Variants in NDST4 observed in about 807,000 individuals in gnomAD.
NDST4 encodes the protein N-deacetylase and N-sulfotransferase 4.
In NDST4, 63 loss-of-function variants were observed where a neutral mutation model predicts 100.8. That is an observed-to-expected ratio of 0.62 (90% CI 0.51 to 0.77). The LOEUF is 0.77. Ranked by LOEUF, NDST4 falls within the 30% of genes least tolerant of loss-of-function variation. The pLI is 0.00. For synonymous variants in NDST4, 377 were observed against 361.8 expected (o/e 1.04, Z -0.48); for missense variants, 943 against 1,018.4 (o/e 0.93, Z 1.01).
intron 2 of NDST4, among the ~76,000 whole-genome samples, chr4:115,036,258 ATCAGT>A (rs1297319048): frequency 1.3e-5 from 2 of 151,560 alleles, no homozygotes; most frequent in Non-Finnish European, 3.0e-5. Context: ...AGGTATTTAC[ATCAGT>A]TTAAAAGAGA....
chr4:115,006,104 A>C (rs1727411236), intron 2 of NDST4, among the ~76,000 whole-genome samples: 1 of 151,442 alleles, frequency 6.6e-6, no homozygotes. Flanking sequence ...AAAGAAAGAA[A>C]GAGAAAGAAA....
In NDST4 at chr4:115,009,558, G is replaced by A. The variant is rs1310074595; in HGVS notation, c.979-32284C>T. Reference sequence around the variant, plus strand: ...TTCAAGATGGATTAAAGACTTAAACGTTAGACCTAAAACCATAAAAACCCT... The same window carrying A: ...TTCAAGATGGATTAAAGACTTAAACATTAGACCTAAAACCATAAAAACCCT... On this transcript the variant is annotated intron_variant, in intron 2 of 13. Coordinates refer to ENST00000264363, the MANE Select transcript of NDST4 (RefSeq NM_022569.3). Among the ~76,000 whole-genome samples, 2 of 122,192 alleles carry A rather than the reference G, an allele frequency of 1.6e-5. 1 individual carries two copies. The highest frequency in any genetic ancestry group is 3.4e-5 in the Non-Finnish European group (2 of 58,282). 80.2% of individuals were successfully genotyped at this position (122,192 alleles called of 152,430 possible).
intron 4 of NDST4, among the ~76,000 whole-genome samples, chr4:114,958,518 C>T (rs566276976): frequency 1.5e-3 from 230 of 152,286 alleles, no homozygotes; most frequent in African/African-American, 4.9e-3. Flanking sequence ...GCAAAGGCTT[C>T]GGGCTTTCGT....
At chr4:115,062,159 A>G (rs1728838496) in intron 2 of NDST4, among the ~76,000 whole-genome samples, 1 of 152,042 alleles carries the variant, frequency 6.6e-6, no homozygotes, top group South Asian at 2.1e-4. Flanking sequence ...GACATAGTCA[A>G]TGGGTAGAGA....
At chr4:114,853,439 C>G (rs1178488868) in intron 7 of NDST4, among the ~76,000 whole-genome samples, 4 of 152,124 alleles carry the variant, frequency 2.6e-5, no homozygotes, top group Admixed American at 2.6e-4. Context: ...CCCAATGTAT[C>G]CATTGGTCCA....
At position 115,035,412 on chromosome 4, in the gene NDST4, T is replaced by C. The variant is rs150021987; in HGVS notation, c.978+40647A>G. On this transcript the variant is annotated intron_variant, in intron 2 of 13. Transcript: ENST00000264363. Reference sequence around the variant, plus strand: ...GTTGAAGTAGTGGGTAAAGTCTATGTGATCATAGGATTGGAGTTCATTCTT... The same window carrying C: ...GTTGAAGTAGTGGGTAAAGTCTATGCGATCATAGGATTGGAGTTCATTCTT... 5.6e-3 allele frequency among the ~76,000 whole-genome samples: 853 copies of C among 152,190 alleles called. 10 individuals carry two copies. The highest frequency in any genetic ancestry group is 0.02 in the African/African-American group (817 of 41,550).
intron 2 of NDST4, among the ~76,000 whole-genome samples, chr4:115,042,064 A>AT (rs1240521731): frequency 6.6e-6 from 1 of 152,128 alleles, no homozygotes; most frequent in Non-Finnish European, 1.5e-5. Flanking sequence ...ATATGGTTTC[A>AT]TTTTCCATTT....
intron 2 of NDST4, among the ~76,000 whole-genome samples, chr4:114,981,045 C>G (rs1259868393): frequency 6.6e-6 from 1 of 151,918 alleles, no homozygotes; most frequent in Non-Finnish European, 1.5e-5. Context: ...AACCCCTTCT[C>G]TACAAAAAAA....
intron 6 of NDST4, among the ~76,000 whole-genome samples, chr4:114,931,128 A>G (rs1725504472): frequency 6.6e-6 from 1 of 151,926 alleles, no homozygotes; most frequent in South Asian, 2.1e-4. Context: ...TAAAATTATG[A>G]TTTTTAATTT....
intron 4 of NDST4, among the ~76,000 whole-genome samples, chr4:114,942,147 A>T (rs995488819): frequency 3.9e-5 from 6 of 152,326 alleles, no homozygotes; most frequent in African/African-American, 1.4e-4. Flanking sequence ...TAAATAGGAG[A>T]CTACAGTCAT....
intron 1 of NDST4, among the ~76,000 whole-genome samples, chr4:115,079,067 T>G (rs1221732839): frequency 6.6e-6 from 1 of 151,934 alleles, no homozygotes; most frequent in Non-Finnish European, 1.5e-5. Context: ...ATACACTACA[T>G]TACTACAGGC....
At chr4:114,943,488 A>G (rs1374080774) in intron 4 of NDST4, among the ~76,000 whole-genome samples, 1 of 152,162 alleles carries the variant, frequency 6.6e-6, no homozygotes, top group Non-Finnish European at 1.5e-5. Flanking sequence ...CTCCCACCCT[A>G]GACTGAGATT....
intron 6 of NDST4, among the ~76,000 whole-genome samples, chr4:114,924,080 A>T (rs1725340032): frequency 6.6e-6 from 1 of 152,100 alleles, no homozygotes; most frequent in South Asian, 2.1e-4. Flanking sequence ...CTCTTATTTC[A>T]TGAGAAGACA....
intron 2 of NDST4, among the ~76,000 whole-genome samples, chr4:115,012,042 G>T (rs1304582072): frequency 1.3e-5 from 2 of 151,776 alleles, no homozygotes; most frequent in Non-Finnish European, 2.9e-5. Flanking sequence ...AGTAAGAGAG[G>T]ATTCAAAGCC....
At chr4:114,932,430 A>G (rs1373822996) in intron 6 of NDST4, among the ~76,000 whole-genome samples, 2 of 152,148 alleles carry the variant, frequency 1.3e-5, no homozygotes, top group Admixed American at 6.5e-5. Context: ...TTCTAAGATT[A>G]GAAGCAAGAG....
chr4:114,991,121 T>C (rs1373340883), intron 2 of NDST4, among the ~76,000 whole-genome samples: 3 of 152,210 alleles, frequency 2.0e-5, no homozygotes, highest in East Asian at 3.9e-4. Context: ...ATTTCTAAGC[T>C]AAGCAGAATG....
chr4:114,914,094 G>A (rs1200393910), intron 6 of NDST4, among the ~76,000 whole-genome samples: 3 of 151,942 alleles, frequency 2.0e-5, no homozygotes, highest in Admixed American at 6.6e-5. Flanking sequence ...AAAAACAAAC[G>A]TCTCAGTTCT....
chr4:114,941,960 C>T (rs756298459), intron 4 of NDST4, among the ~76,000 whole-genome samples: 69 of 152,154 alleles, frequency 4.5e-4, no homozygotes, highest in Non-Finnish European at 8.5e-4. Context: ...GTTGAGACGT[C>T]TAGTGGTTTA....
Position 115,076,355 on chromosome 4 carries a change from A to G in NDST4, c.682T>C (p.Ser228Pro), listed in dbSNP as rs1578503696. 6.2e-7 allele frequency: 1 copy of G among 1,613,852 alleles called. No individual in the cohort carries two copies. The highest frequency in any genetic ancestry group is 8.5e-7 in the Non-Finnish European group (1 of 1,179,952). Residue 228 changes from serine to proline, a missense_variant, in exon 2 of 14, where the codon TCA (serine) becomes CCA (proline). Transcript: ENST00000264363. ...EDWTIFQYNH[S>P]TYQPVLLTEL... The stretch of plus-strand genomic sequence containing the variant: ...GTTAAAAGTACAGGCTGGTAGGTTG[A>G]ATGATTATATTGGAAAATAGTCCAG...
Sources: allele counts gnomAD v4.1 joint callset (sites outside exome capture counted in the v4.1 genomes callset), GRCh38; gene constraint gnomAD v4.1.1; transcripts MANE v1.5; gene names NCBI Gene and HGNC (gene_info 2026-07-23, HGNC 2026-07-21).